Variants in PRLR observed in about 807,000 individuals in gnomAD.
The protein encoded by PRLR is prolactin receptor, also known as hPRL receptor.
In PRLR, 13 loss-of-function variants were observed where a neutral mutation model predicts 40.2. That is an observed-to-expected ratio of 0.32 (90% CI 0.21 to 0.51). The LOEUF is 0.51. Among genes scored for constraint, PRLR ranks in the 20% least tolerant of loss-of-function variants. The probability of loss-of-function intolerance (pLI) is 0.97; values close to 1 mark genes in which losing one functional copy is unlikely to be tolerated. For missense variants in PRLR, 656 were observed against 747.3 expected (o/e 0.88, Z 1.42); for synonymous variants, 269 against 278.7 (o/e 0.97, Z 0.35).
chr5:35,055,191 T>C (rs1768652025), downstream of PRLR, among the ~76,000 whole-genome samples: 1 of 152,088 alleles, frequency 6.6e-6, no homozygotes, highest in Admixed American at 6.6e-5. Flanking sequence ...CAAAAGAAAA[T>C]GTGAAACTTT....
chr5:35,107,166 C>A (rs904483929), intron 2 of PRLR, among the ~76,000 whole-genome samples: 2 of 152,190 alleles, frequency 1.3e-5, no homozygotes, highest in African/African-American at 4.8e-5. Flanking sequence ...GAAAGATGTT[C>A]TTTGAAACCA....
At chr5:35,226,708 G>A (rs867812886) in intron 1 of PRLR, among the ~76,000 whole-genome samples, 1 of 152,158 alleles carries the variant, frequency 6.6e-6, no homozygotes, top group Non-Finnish European at 1.5e-5. Context: ...CTTCCCTGTT[G>A]AAAGTTGCTC....
chr5:35,068,658 C>T, intron 8 of PRLR, 121 bp downstream of exon 8: 1 of 801,506 alleles, frequency 1.2e-6, no homozygotes, highest in Non-Finnish European at 2.0e-6. Context: ...TGGGCAAACA[C>T]ACTACATCTA....
intron 5 of PRLR, among the ~76,000 whole-genome samples, chr5:35,076,092 C>G (rs893036999): frequency 5.3e-5 from 8 of 152,174 alleles, no homozygotes; most frequent in Admixed American, 2.6e-4. Context: ...GGGGAGAAAC[C>G]AGAGCAGAAA....
chr5:35,102,317 G>A (rs1386682334), intron 2 of PRLR, among the ~76,000 whole-genome samples: 1 of 152,086 alleles, frequency 6.6e-6, no homozygotes, highest in African/African-American at 2.4e-5. Context: ...CCTAGGACTT[G>A]AGCATTTTAA....
chr5:35,155,676 G>C lies in PRLR; in HGVS notation c.-105-37554C>G, dbSNP rs547975470. Among the ~76,000 whole-genome samples the C allele has an allele frequency of 4.6e-5, 7 of 152,228 alleles. No individual in the cohort carries two copies. In the South Asian group the frequency reaches 1.5e-3, roughly 32 times the overall value. ...AGACATAGAAAGTGAGAATTCAAAGGATTAAAGGAGTTACCGGAGATTCCA... is the reference window on the plus strand; with the variant it reads ...AGACATAGAAAGTGAGAATTCAAAGCATTAAAGGAGTTACCGGAGATTCCA... On this transcript the variant is annotated intron_variant, in intron 1 of 9. Transcript: ENST00000618457.
intron 1 of PRLR, among the ~76,000 whole-genome samples, chr5:35,223,453 G>A (rs1336366648): frequency 1.3e-5 from 2 of 152,042 alleles, no homozygotes; most frequent in South Asian, 2.1e-4. Flanking sequence ...TGATTCTGAT[G>A]TAAAGCTCAG....
At chr5:35,146,609 T>TG (rs1774188765) in intron 1 of PRLR, among the ~76,000 whole-genome samples, 1 of 152,202 alleles carries the variant, frequency 6.6e-6, no homozygotes, top group South Asian at 2.1e-4. Flanking sequence ...AGGAACACAA[T>TG]GGGGCACCCC....
chr5:35,048,981 A>G (rs1768379534), exon 9 of PRLR: 1 of 414,878 alleles, frequency 2.4e-6, no homozygotes, highest in Non-Finnish European at 4.8e-6. Context: ...ATCCTTCACA[A>G]ACACCTGCAT....
At chr5:35,228,062 C>G (rs1184672985) in intron 1 of PRLR, among the ~76,000 whole-genome samples, 1 of 152,124 alleles carries the variant, frequency 6.6e-6, no homozygotes, top group African/African-American at 2.4e-5. Context: ...ACTAATTTTA[C>G]TCATTCTTCT....
chr5:35,164,853 T>C (rs1333997250), intron 1 of PRLR, among the ~76,000 whole-genome samples: 2 of 152,190 alleles, frequency 1.3e-5, no homozygotes, highest in African/African-American at 2.4e-5. Context: ...ACTTGAGATA[T>C]ATTTCAGGGA....
At chr5:35,224,720 G>A (rs1163910037) in intron 1 of PRLR, among the ~76,000 whole-genome samples, 2 of 76,128 alleles carry the variant, frequency 2.6e-5, no homozygotes, top group African/African-American at 6.9e-5. Context: ...AAGGGAGAAA[G>A]TTGGGGGAAA....
intron 1 of PRLR, among the ~76,000 whole-genome samples, chr5:35,174,409 A>T (rs1038300904): frequency 6.6e-6 from 1 of 152,072 alleles, no homozygotes; most frequent in East Asian, 1.9e-4. Flanking sequence ...TTTTTTCTAC[A>T]TCGACACATG....
intron 8 of PRLR, among the ~76,000 whole-genome samples, chr5:35,068,555 C>T (rs1212024955): frequency 1.3e-5 from 2 of 152,134 alleles, no homozygotes; most frequent in Non-Finnish European, 2.9e-5. Context: ...TTTACTGTTT[C>T]ACAACTAGGA....
chr5:35,120,899 A>T (rs1579695961), intron 1 of PRLR, among the ~76,000 whole-genome samples: 2 of 152,206 alleles, frequency 1.3e-5, no homozygotes, highest in Admixed American at 1.3e-4. Context: ...TGTTCCAAGT[A>T]CTCTGTTACT....
At position 35,123,755 on chromosome 5, in the gene PRLR, T is replaced by C. The variant is rs970814960; in HGVS notation, c.-105-5633A>G. Reference sequence around the variant, plus strand: ...TCTTTTAGAATTTACTGTTAAAGTATTCAGTAGCTTTATAGTACATTGACG... The same window carrying C: ...TCTTTTAGAATTTACTGTTAAAGTACTCAGTAGCTTTATAGTACATTGACG... On this transcript the variant is annotated intron_variant, in intron 1 of 9. Transcript: ENST00000618457. Among the ~76,000 whole-genome samples, 7 of 152,312 alleles carry C rather than the reference T, an allele frequency of 4.6e-5. No individual in the cohort carries two copies. In the South Asian group the frequency reaches 8.3e-4, roughly 18 times the overall value.
chr5:35,193,926 G>A (rs1467685911), intron 1 of PRLR, among the ~76,000 whole-genome samples: 3 of 152,128 alleles, frequency 2.0e-5, no homozygotes, highest in African/African-American at 7.2e-5. Context: ...TGTTAGATTG[G>A]CATGCATCTC....
At chr5:35,108,362 A>G (rs576562532) in intron 2 of PRLR, among the ~76,000 whole-genome samples, 118 of 152,328 alleles carry the variant, frequency 7.7e-4, no homozygotes, top group Non-Finnish European at 1.3e-3. Flanking sequence ...TAGTATTGGA[A>G]GTTCTGGCCA....
At chr5:35,189,191 C>A (rs1775530625) in intron 1 of PRLR, among the ~76,000 whole-genome samples, 1 of 152,172 alleles carries the variant, frequency 6.6e-6, no homozygotes, top group Non-Finnish European at 1.5e-5. Context: ...CAGAAGCTAG[C>A]AGACAGCCAT....
Sources: gnomAD v4.1 joint callset for allele counts (sites outside exome capture counted in the v4.1 genomes callset) on GRCh38, gnomAD v4.1.1 for gene constraint, MANE v1.5 for transcripts, NCBI Gene and HGNC (gene_info 2026-07-23, HGNC 2026-07-21) for gene names.